ANKFY1: variants seen among roughly 807,000 people sequenced by gnomAD.
ANKFY1 encodes the protein ankyrin repeat and FYVE domain containing 1, also known as ankyrin repeat and FYVE domain-containing protein 1.
In ANKFY1, 47 loss-of-function variants were observed where a neutral mutation model predicts 128.3. The observed-to-expected ratio is 0.37, with a 90% confidence interval of 0.29 to 0.47. The LOEUF (loss-of-function observed/expected upper bound fraction) is 0.47. Among genes scored for constraint, ANKFY1 ranks in the 20% least tolerant of loss-of-function variants. The probability of loss-of-function intolerance (pLI) is 1.00; values close to 1 mark genes in which losing one functional copy is unlikely to be tolerated. For missense variants in ANKFY1, 1,222 were observed against 1,510.6 expected, an observed-to-expected ratio of 0.81 and a Z score of 3.17; for synonymous variants, 553 against 601.6, an observed-to-expected ratio of 0.92 and a Z score of 1.18.
In ANKFY1 at chr17:4,169,350, G is replaced by A; in HGVS notation, c.3287-62C>T. The A allele has an allele frequency of 7.6e-7, 1 of 1,313,560 alleles. No homozygotes were observed. Among genetic ancestry groups the A allele is most frequent in the Admixed American group, 2.0e-5 (1 of 49,632 alleles). 81.4% of individuals were successfully genotyped at this position (1,313,560 alleles called of 1,614,324 possible). Reference sequence around the variant, plus strand: ...GCGACGGCGCCACGCAAGCCCCAGGGCTTGGAGGCAGCAGGAACACAGACC... The same window carrying A: ...GCGACGGCGCCACGCAAGCCCCAGGACTTGGAGGCAGCAGGAACACAGACC... On this transcript the variant is annotated intron_variant, in intron 23 of 24. Transcript: ENST00000341657. The surrounding 1 kb of genome is among the most constrained non-coding windows in gnomAD (Gnocchi z 5.0).
intron 11 of ANKFY1, among the ~76,000 whole-genome samples, chr17:4,185,399 T>A (rs1384404664): frequency 6.6e-6 from 1 of 152,108 alleles, no homozygotes. Context: ...ACAGACAGGT[T>A]TCACCATGTT....
rs1294133485 is a variant in ANKFY1 at position 4,181,325 on chromosome 17, C to A, written c.2169G>T (p.Gly723=). The part of the protein sequence containing the change: ...DATCWGPGPG[G]CLQTLLHRAI... Reference sequence around the variant, plus strand: ...CTCTGTGCAGGAGCGTCTGAAGGCACCCACCAGGTCCCGGACCCCAGCATG... The same window carrying A: ...CTCTGTGCAGGAGCGTCTGAAGGCAACCACCAGGTCCCGGACCCCAGCATG... The change falls in exon 16 of 25, where the codon GGG becomes GGT. Residue 723 remains glycine, a synonymous_variant. Coordinates refer to ENST00000341657, the MANE Select transcript of ANKFY1 (RefSeq NM_001330063.2). The surrounding 1 kb of genome is among the most constrained non-coding windows in gnomAD (Gnocchi z 4.9). 1.9e-6 allele frequency: 3 copies of A among 1,614,080 alleles called. No individual in the cohort carries two copies. Among genetic ancestry groups the A allele is most frequent in the Non-Finnish European group, 2.5e-6 (3 of 1,180,038 alleles).
At chr17:4,239,826 A>G (rs944390781) in intron 2 of ANKFY1, among the ~76,000 whole-genome samples, 3 of 152,078 alleles carry the variant, frequency 2.0e-5, no homozygotes, top group Non-Finnish European at 4.4e-5. Context: ...GGTGTGAGCG[A>G]TCTATTTAAA....
intron 10 of ANKFY1, among the ~76,000 whole-genome samples, chr17:4,193,772 A>G (rs2059761942): frequency 7.2e-6 from 1 of 139,384 alleles, no homozygotes; most frequent in South Asian, 2.3e-4. Context: ...TAATTTACTT[A>G]TTTTTGAGAT....
Position 4,170,860 on chromosome 17 carries a change from C to A in ANKFY1, c.3141G>T (p.Val1047=), listed in dbSNP as rs1359174405. Residue 1047 remains valine (V), a splice_region_variant and synonymous_variant, in exon 23 of 25, where the codon GTG becomes GTT. Coordinates refer to ENST00000341657, the MANE Select transcript of ANKFY1 (RefSeq NM_001330063.2). ...TCCCTTTCATGTATGCCAGGAGCAG[C>A]ACTGGAAAACAAAAGCACGCGCAGG... The part of the protein sequence containing the change: ...LDKPDADGST[V]LLLAYMKGNA... 6.2e-7 allele frequency: 1 copy of A among 1,614,208 alleles called. No individual in the cohort carries two copies. The highest frequency in any genetic ancestry group is 8.5e-7 in the Non-Finnish European group (1 of 1,180,026).
At chr17:4,209,692 T>C in intron 5 of ANKFY1, 132 bp downstream of exon 5, 2 of 1,040,366 alleles carry the variant, frequency 1.9e-6, no homozygotes, top group Non-Finnish European at 2.7e-6. Flanking sequence ...CTAATCAAAC[T>C]ATTTATTCTT....
At chr17:4,200,106 G>A (rs1459594276) in intron 7 of ANKFY1, among the ~76,000 whole-genome samples, 3 of 149,600 alleles carry the variant, frequency 2.0e-5, no homozygotes, top group Non-Finnish European at 4.4e-5. Context: ...CTGTCACCCA[G>A]GCTGAAGTGC....
chr17:4,217,161 C>T (rs2143022400), intron 3 of ANKFY1, 43 bp from the exon 4 acceptor site: 1 of 1,595,270 alleles, frequency 6.3e-7, no homozygotes, highest in South Asian at 1.1e-5. Flanking sequence ...CATAGAATGA[C>T]ATGCTTAGAC....
intron 7 of ANKFY1, among the ~76,000 whole-genome samples, chr17:4,204,452 C>T (rs1364240815): frequency 6.6e-6 from 1 of 152,166 alleles, no homozygotes; most frequent in Non-Finnish European, 1.5e-5. Context: ...CTCTGTCTAC[C>T]GTAATATGCA....
At chr17:4,261,613 G>A (rs574681392) in intron 1 of ANKFY1, among the ~76,000 whole-genome samples, 1 of 152,348 alleles carries the variant, frequency 6.6e-6, no homozygotes. Flanking sequence ...CCCCACTGGC[G>A]AGATGTCTCT....
intron 1 of ANKFY1, among the ~76,000 whole-genome samples, chr17:4,246,378 A>C (rs776195308): frequency 2.6e-5 from 4 of 152,192 alleles, no homozygotes; most frequent in African/African-American, 7.2e-5. Context: ...CAAAGTACAT[A>C]AACACAGTAT....
At chr17:4,196,515 C>G (rs2059827653) in intron 8 of ANKFY1, among the ~76,000 whole-genome samples, 1 of 152,150 alleles carries the variant, frequency 6.6e-6, no homozygotes, top group African/African-American at 2.4e-5. Flanking sequence ...AGACAAGTAG[C>G]CTTTTCTCAG....
rs1193709449 is a variant in ANKFY1, at chr17:4,164,513, C to A, written c.*3266G>T. ...TTCAGGTAGTTCTTCTGGGACTTGT[C>A]CCAAGGGAAGCAAGTGTCTGTCATG... On this transcript the variant is annotated 3_prime_UTR_variant, in exon 25 of 25. Transcript: ENST00000341657. 6.6e-6 allele frequency: 1 copy of A among 152,310 alleles called. No individual in the cohort carries two copies. Among genetic ancestry groups the A allele is most frequent in the East Asian group, 1.9e-4 (1 of 5,188 alleles). 9.4% of individuals were successfully genotyped at this position (152,310 alleles called of 1,614,324 possible). A position where few individuals can be genotyped will look rare whatever the true frequency, so the allele number is the denominator to read the frequency against.
intron 6 of ANKFY1, among the ~76,000 whole-genome samples, 161 bp downstream of exon 6, chr17:4,207,772 G>T (rs1042180198): frequency 1.3e-5 from 2 of 152,050 alleles, no homozygotes; most frequent in Non-Finnish European, 2.9e-5. Flanking sequence ...TGAGAAACAT[G>T]TTAGAAAAAG....
intron 2 of ANKFY1, among the ~76,000 whole-genome samples, chr17:4,236,440 T>C (rs1241895095): frequency 3.9e-5 from 6 of 152,254 alleles, no homozygotes; most frequent in Non-Finnish European, 7.3e-5. Flanking sequence ...ATATTGACCA[T>C]TTTTTACTCA....
chr17:4,196,948 T>C (rs112722104), intron 8 of ANKFY1, among the ~76,000 whole-genome samples: 2 of 152,280 alleles, frequency 1.3e-5, no homozygotes, highest in Non-Finnish European at 2.9e-5. Context: ...GGCAAAACCC[T>C]GTCTCCACCA....
chr17:4,183,719 TCTC>T (rs1598028353), intron 13 of ANKFY1, 90 bp downstream of exon 13: 1 of 1,434,166 alleles, frequency 7.0e-7, no homozygotes. Flanking sequence ...ATTAGCCCAG[TCTC>T]CTCTTTCTTT....
intron 3 of ANKFY1, among the ~76,000 whole-genome samples, chr17:4,221,507 T>C (rs2060311623): frequency 6.6e-6 from 1 of 151,892 alleles, no homozygotes; most frequent in Non-Finnish European, 1.5e-5. Flanking sequence ...CCACAGCACC[T>C]GGCTGACTTT....
intron 3 of ANKFY1, among the ~76,000 whole-genome samples, chr17:4,218,140 G>A (rs1440464983): frequency 6.6e-6 from 1 of 152,188 alleles, no homozygotes; most frequent in African/African-American, 2.4e-5. Context: ...TGAAATCAGA[G>A]TACATTTTTT....
Sources: gnomAD v4.1 joint callset for allele counts (sites outside exome capture counted in the v4.1 genomes callset) on GRCh38, gnomAD v4.1.1 for gene constraint, Gnocchi (gnomAD v3.1) non-coding constraint, MANE v1.5 for transcripts, NCBI Gene and HGNC (gene_info 2026-07-23, HGNC 2026-07-21) for gene names.